Variants in PIGG observed in about 807,000 individuals in gnomAD.
The protein encoded by PIGG is GPI ethanolamine phosphate transferase 2, catalytic subunit.
Under a neutral mutation model 83.2 loss-of-function variants are expected in PIGG, and 70 were observed. That is an observed-to-expected ratio of 0.84 (90% CI 0.69 to 1.03). The LOEUF (loss-of-function observed/expected upper bound fraction) is 1.03. Ranked by LOEUF, PIGG falls within the 50% of genes least tolerant of loss-of-function variation. PIGG has a pLI of 0.00. For missense variants in PIGG, 1,257 were observed against 1,233.6 expected, an observed-to-expected ratio of 1.02 and a Z score of -0.28; for synonymous variants, 532 against 519.5, an observed-to-expected ratio of 1.02 and a Z score of -0.33.
At chr4:516,914 G>A (rs1218344580) in intron 6 of PIGG, among the ~76,000 whole-genome samples, 3 of 151,838 alleles carry the variant, frequency 2.0e-5, no homozygotes, top group African/African-American at 7.3e-5. Context: ...GAAGTGAAGC[G>A]GGTGGGGGAG....
rs782727885 is a variant in PIGG at position 499,477 on chromosome 4, G to T, written c.142G>T (p.Glu48Ter). The change falls in exon 1 of 13, where the codon GAA becomes TAA. Residue 48 changes from glutamate (E) to a stop codon, truncating the protein, a stop_gained. Transcript: ENST00000453061. LOFTEE classifies it high-confidence loss of function. ...AEHGAEPPAP[E>*]PSAGASSNWT... ...ACACGGAGCGGAGCCCCCAGCGCCC[G>T]AACCCTCGGCTGGTACGGACCCCTC... is the stretch of plus-strand genomic sequence containing the variant. The T allele has an allele frequency of 1.9e-6, 3 of 1,598,438 alleles. No individual in the cohort carries two copies. Among genetic ancestry groups the T allele is most frequent in the Non-Finnish European group, 2.5e-6 (3 of 1,178,560 alleles).
rs1041051822 is a variant in PIGG at position 506,021 on chromosome 4, A to T, written c.570+94A>T. 9.4e-6 allele frequency: 8 copies of T among 846,700 alleles called. No individual in the cohort carries two copies. The African/African-American group carries it at 1.4e-4, about 15-fold the overall frequency. 52.4% of individuals were successfully genotyped at this position (846,700 alleles called of 1,614,324 possible). ...ACTTAGTGAGAGATGATACCATTTT[A>T]TATTTGGTTTTATTAATTTATAGGG... is the stretch of plus-strand genomic sequence containing the variant. On this transcript the variant is annotated intron_variant, in intron 3 of 12. Transcript: ENST00000453061.
intron 2 of PIGG, among the ~76,000 whole-genome samples, chr4:504,219 A>G (rs1207452698): frequency 3.3e-5 from 5 of 152,088 alleles, no homozygotes. Flanking sequence ...TCTTGTTTTT[A>G]TCTTTAAGCC....
At chr4:537,569 C>T (rs1222965461) in intron 12 of PIGG, among the ~76,000 whole-genome samples, 1 of 152,166 alleles carries the variant, frequency 6.6e-6, no homozygotes, top group Non-Finnish European at 1.5e-5. Flanking sequence ...TGTGGGGTCC[C>T]CGGCCTGTGG....
At chr4:527,572 G>T in intron 10 of PIGG, 12 of 1,032,042 alleles carry the variant, frequency 1.2e-5, no homozygotes, top group Non-Finnish European at 1.4e-5. Flanking sequence ...TAAGTTAGTG[G>T]CAGCACGTGA....
rs1427771231 is a variant in PIGG, at chr4:516,117, G to T, written c.1046G>T (p.Arg349Ile). 1 of 1,613,778 alleles carries T rather than the reference G, an allele frequency of 6.2e-7. No homozygotes were observed. The highest frequency in any genetic ancestry group is 1.3e-5 in the African/African-American group (1 of 74,846). Residue 349 changes from arginine to isoleucine, a missense_variant, in exon 6 of 13, where the codon AGA (arginine) becomes ATA (isoleucine). Coordinates refer to ENST00000453061, the MANE Select transcript of PIGG (RefSeq NM_001127178.3). ...VEGRPMREQL[R>I]FLHLNTVQLS... ...GGAAGACCAATGAGAGAGCAGTTGA[G>T]ATTTTTACATTTGAATACAGTGCAG...
chr4:534,191 G>C (rs73794949), intron 12 of PIGG, among the ~76,000 whole-genome samples: 10 of 152,158 alleles, frequency 6.6e-5, no homozygotes, highest in African/African-American at 2.4e-4. Flanking sequence ...CGGGTCTGAC[G>C]GGGCCTCGCC....
At chr4:518,654 GT>G (rs1724746646) in intron 6 of PIGG, among the ~76,000 whole-genome samples, 1 of 152,146 alleles carries the variant, frequency 6.6e-6, no homozygotes, top group Non-Finnish European at 1.5e-5. Context: ...TTATTTGCCT[GT>G]TCCAGAAGTA....
chr4:523,225 C>G (rs111286460), intron 8 of PIGG, among the ~76,000 whole-genome samples: 1 of 152,148 alleles, frequency 6.6e-6, no homozygotes, highest in Non-Finnish European at 1.5e-5. Context: ...GTGCAGTGTC[C>G]GGCTCCCCTG....
intron 5 of PIGG, among the ~76,000 whole-genome samples, chr4:512,269 G>C (rs1170108150): frequency 6.9e-6 from 1 of 144,854 alleles, no homozygotes; most frequent in Non-Finnish European, 1.5e-5. Flanking sequence ...ACCCAGGCTG[G>C]AGTGCAGTGA....
chr4:539,504 GTTTAATAAAAGATCAC>G lies in PIGG; in HGVS notation c.*143_*158del, dbSNP rs1731563875. On this transcript the variant is annotated 3_prime_UTR_variant, in exon 13 of 13. Coordinates refer to ENST00000453061, the MANE Select transcript of PIGG (RefSeq NM_001127178.3). ...CTGAATTTAGACTAAGCAGTAAATAGTTTAATAAAAGATCACTTTAATATACAGTTTGTATCATATT... is the reference window on the plus strand; with the variant it reads ...CTGAATTTAGACTAAGCAGTAAATAGTTTAATATACAGTTTGTATCATATT... 1.5e-5 allele frequency: 9 copies of G among 612,858 alleles called. No homozygotes were observed. The highest frequency in any genetic ancestry group is 3.7e-5 in the African/African-American group (2 of 54,088). The allele number at this position is 612,858 out of a possible 1,614,324, so 38.0% of individuals were successfully genotyped here.
intron 12 of PIGG, among the ~76,000 whole-genome samples, chr4:534,205 C>T (rs1355648120): frequency 1.3e-5 from 2 of 151,994 alleles, no homozygotes; most frequent in East Asian, 3.9e-4. Flanking sequence ...CCTCGCCGGG[C>T]TCCCCAGGGT....
chr4:516,301 A>G, intron 6 of PIGG, 116 bp downstream of exon 6: 1 of 685,404 alleles, frequency 1.5e-6, no homozygotes, highest in Non-Finnish European at 2.6e-6. Flanking sequence ...TTTCATCACT[A>G]CTCTTTGATG....
chr4:520,961 G>T, intron 6 of PIGG, 95 bp from the exon 7 acceptor site: 1 of 839,288 alleles, frequency 1.2e-6, no homozygotes, highest in Non-Finnish European at 2.0e-6. Flanking sequence ...AGGCTTTGCC[G>T]TGTGCCATGC....
At chr4:506,880 TTTAA>T (rs1387120674) in intron 3 of PIGG, 4 of 428,486 alleles carry the variant, frequency 9.3e-6, no homozygotes, top group Non-Finnish European at 9.7e-6. Flanking sequence ...CTGTCCTGTC[TTTAA>T]TTAACTGCCC....
At chr4:527,672 TG>T in intron 10 of PIGG, 1 of 988,466 alleles carries the variant, frequency 1.0e-6, no homozygotes, top group African/African-American at 1.7e-5. Flanking sequence ...TGAAGCTTGC[TG>T]GAAAATCAGA....
rs148185426 is a variant in PIGG at position 499,456 on chromosome 4, G to C, written c.121G>C (p.Gly41Arg). ...PVRSSARAEH[G>R]AEPPAPEPSA... Reference sequence around the variant, plus strand: ...TCGTTCCTCTGCCAGAGCGGAACACGGAGCGGAGCCCCCAGCGCCCGAACC... The same window carrying C: ...TCGTTCCTCTGCCAGAGCGGAACACCGAGCGGAGCCCCCAGCGCCCGAACC... Residue 41 changes from glycine (G) to arginine (R), a missense_variant, in exon 1 of 13, where the codon GGA becomes CGA. Coordinates refer to ENST00000453061, the MANE Select transcript of PIGG (RefSeq NM_001127178.3). The C allele has an allele frequency of 5.6e-6, 9 of 1,602,812 alleles. No homozygotes were observed. Among genetic ancestry groups the C allele is most frequent in the Non-Finnish European group, 7.6e-6 (9 of 1,179,288 alleles).
chr4:499,273 GC>G lies in PIGG; in HGVS notation c.-62del, dbSNP rs1341853148. 6.4e-7 allele frequency: 1 copy of G among 1,557,302 alleles called. No homozygotes were observed. The highest frequency in any genetic ancestry group is 8.7e-7 in the Non-Finnish European group (1 of 1,152,328). ...GAGGCGGCTACCTGGAGCCGGAAGC[GC>G]GGCTGCAGCAGGGCGAGGCTCCAGG... On this transcript the variant is annotated 5_prime_UTR_variant, in exon 1 of 13. Transcript: ENST00000453061.
At chr4:525,254 A>AT in intron 9 of PIGG, 1 of 985,462 alleles carries the variant, frequency 1.0e-6, no homozygotes, top group Non-Finnish European at 1.2e-6. Context: ...ATAGCAAATC[A>AT]TTTCAAGCAA....
Sources: gnomAD v4.1 joint callset for allele counts (sites outside exome capture counted in the v4.1 genomes callset) on GRCh38, gnomAD v4.1.1 for gene constraint, MANE v1.5 for transcripts, NCBI Gene and HGNC (gene_info 2026-07-23, HGNC 2026-07-21) for gene names.